Variants in SIM2 observed in about 807,000 individuals in gnomAD.
SIM2 encodes single-minded homolog 2.
SIM2 carries 28 observed loss-of-function variants against 64.8 expected under a neutral mutation model. That is an observed-to-expected ratio of 0.43 (90% CI 0.32 to 0.59). The LOEUF (loss-of-function observed/expected upper bound fraction) is 0.59, where lower values mean the gene tolerates loss of function less well. Among genes scored for constraint, SIM2 ranks in the 20% least tolerant of loss-of-function variants. SIM2 has a pLI of 0.07. For synonymous variants in SIM2, 408 were observed against 391.1 expected (o/e 1.04, Z -0.51); for missense variants, 847 against 871.4 (o/e 0.97, Z 0.35).
intron 7 of SIM2, among the ~76,000 whole-genome samples, chr21:36,735,248 G>T (rs550209610): frequency 6.6e-6 from 1 of 152,192 alleles, no homozygotes; most frequent in Non-Finnish European, 1.5e-5. Flanking sequence ...AGGCCTCAGT[G>T]GGGGAGAACA....
chr21:36,746,835 GTC>G (rs1186889148), intron 10 of SIM2, among the ~76,000 whole-genome samples: 1 of 152,218 alleles, frequency 6.6e-6, no homozygotes, highest in African/African-American at 2.4e-5. Context: ...GAATTTGTGT[GTC>G]GGAAGCTGGC....
In SIM2 at chr21:36,748,906, A is replaced by G. The variant is rs2089279862; in HGVS notation, c.*814A>G. 6.6e-6 allele frequency: 1 copy of G among 152,664 alleles called. No homozygotes were observed. Among genetic ancestry groups the G allele is most frequent in the African/African-American group, 2.4e-5 (1 of 41,448 alleles). 9.5% of individuals were successfully genotyped at this position (152,664 alleles called of 1,614,324 possible). ...GTCAAGCTTCATTATTACGTGGCAAAATCCCTCTGGCCCACACAGATCTGT... is the reference window on the plus strand; with the variant it reads ...GTCAAGCTTCATTATTACGTGGCAAGATCCCTCTGGCCCACACAGATCTGT... On this transcript the variant is annotated 3_prime_UTR_variant, in exon 11 of 11. Transcript: ENST00000290399.
At chr21:36,738,306 A>G (rs2089102975) in intron 7 of SIM2, among the ~76,000 whole-genome samples, 2 of 152,140 alleles carry the variant, frequency 1.3e-5, no homozygotes, top group Admixed American at 1.3e-4. Flanking sequence ...GGAGTTAGAG[A>G]CCAGCCTGGC....
intron 5 of SIM2, among the ~76,000 whole-genome samples, chr21:36,724,090 C>T (rs1416084479): frequency 1.3e-5 from 2 of 152,232 alleles, no homozygotes; most frequent in East Asian, 3.8e-4. Flanking sequence ...ACTTTTGTGC[C>T]TTTGTCCTCT....
intron 5 of SIM2, among the ~76,000 whole-genome samples, chr21:36,724,412 G>T (rs2088863443): frequency 6.6e-6 from 1 of 152,150 alleles, no homozygotes; most frequent in Non-Finnish European, 1.5e-5. Flanking sequence ...CTGTGTAGCT[G>T]GGGCCACAGG....
At chr21:36,717,534 G>A (rs558458777) in intron 3 of SIM2, among the ~76,000 whole-genome samples, 9 of 149,634 alleles carry the variant, frequency 6.0e-5, no homozygotes, top group South Asian at 4.2e-4. Context: ...TGCAAACTGC[G>A]CCTCCCGGGT....
chr21:36,747,885 G>A lies in SIM2; in HGVS notation c.1797G>A (p.Leu599=). ...CGCCGGCGCAGCTGCCCTTCGTGCT[G>A]CTCAACTACCACCGCGTGCTGGCCC... ...PGAPAQLPFV[L]LNYHRVLARR... Residue 599 remains leucine, a synonymous_variant, in exon 11 of 11, where the codon CTG becomes CTA. Coordinates refer to ENST00000290399, the MANE Select transcript of SIM2 (RefSeq NM_005069.6). The surrounding 1 kb of genome is among the most constrained non-coding windows in gnomAD (Gnocchi z 4.5). The A allele has an allele frequency of 9.3e-7, 1 of 1,073,346 alleles. No individual in the cohort carries two copies. The highest frequency in any genetic ancestry group is 1.7e-5 in the African/African-American group (1 of 58,114). 66.5% of individuals were successfully genotyped at this position (1,073,346 alleles called of 1,614,324 possible). A position where few individuals can be genotyped will look rare whatever the true frequency, so the allele number is the denominator to read the frequency against.
At chr21:36,732,426 G>A (rs1436720301) in intron 7 of SIM2, among the ~76,000 whole-genome samples, 3 of 152,222 alleles carry the variant, frequency 2.0e-5, no homozygotes, top group Non-Finnish European at 4.4e-5. Flanking sequence ...GTGGGAGGGG[G>A]ACGGCAGGCC....
intron 1 of SIM2, among the ~76,000 whole-genome samples, chr21:36,705,959 A>G (rs1419840136): frequency 3.3e-5 from 5 of 152,144 alleles, no homozygotes; most frequent in African/African-American, 9.6e-5. Context: ...ACCCAGAGGA[A>G]GGCGCGAAGC....
At chr21:36,730,843 C>A (rs139045403) in intron 6 of SIM2, among the ~76,000 whole-genome samples, 1 of 152,202 alleles carries the variant, frequency 6.6e-6, no homozygotes, top group East Asian at 1.9e-4. Context: ...AAGAACATTC[C>A]CATTCATGAA....
intron 5 of SIM2, among the ~76,000 whole-genome samples, chr21:36,725,200 A>G (rs2854045): frequency 0.097 from 14,794 of 151,958 alleles, 1,473 homozygotes; most frequent in African/African-American, 0.26. Flanking sequence ...TTTTTAAAAA[A>G]TTAGCCAGGC....
intron 7 of SIM2, among the ~76,000 whole-genome samples, chr21:36,736,822 CCCTT>C (rs1434801465): frequency 6.7e-6 from 1 of 149,640 alleles, no homozygotes; most frequent in Non-Finnish European, 1.5e-5. Context: ...CTCCCTCCCT[CCCTT>C]TCTTCTTTCT....
intron 7 of SIM2, among the ~76,000 whole-genome samples, chr21:36,735,344 C>T (rs911723263): frequency 3.3e-5 from 5 of 152,250 alleles, no homozygotes; most frequent in African/African-American, 1.2e-4. Context: ...GGGCCTTCAT[C>T]CAGGCTGTGT....
Position 36,727,965 on chromosome 21 carries a change from G to T in SIM2, c.743+1647G>T, listed in dbSNP as rs1041432317. Reference sequence around the variant, plus strand: ...CTCAGAAGCAGGGTGAGTGTGTCAGGGTCACCAGCATCTTCCCAGAAACTC... The same window carrying T: ...CTCAGAAGCAGGGTGAGTGTGTCAGTGTCACCAGCATCTTCCCAGAAACTC... On this transcript the variant is annotated intron_variant, in intron 6 of 10. Coordinates refer to ENST00000290399, the MANE Select transcript of SIM2 (RefSeq NM_005069.6). Among the ~76,000 whole-genome samples, 5 of 152,154 alleles carry T rather than the reference G, an allele frequency of 3.3e-5. No individual in the cohort carries two copies. The East Asian group carries it at 9.7e-4, about 30-fold the overall frequency.
chr21:36,725,345 T>TA (rs1026008014), intron 5 of SIM2, among the ~76,000 whole-genome samples: 22 of 151,462 alleles, frequency 1.5e-4, no homozygotes, highest in South Asian at 2.1e-4. Context: ...AGACCTTGTC[T>TA]AAAAAAAAAT....
In SIM2 at chr21:36,747,924, G is replaced by C. The variant is rs1016886633; in HGVS notation, c.1836G>C (p.Leu612=). 6.5e-5 allele frequency: 68 copies of C among 1,038,472 alleles called. No individual in the cohort carries two copies. Among genetic ancestry groups the C allele is most frequent in the Non-Finnish European group, 5.1e-5 (44 of 862,690 alleles). The allele number at this position is 1,038,472 out of a possible 1,614,324, so 64.3% of individuals were successfully genotyped here. Residue 612 remains leucine (L), a synonymous_variant, in exon 11 of 11, where the codon CTG becomes CTC. Coordinates refer to ENST00000290399, the MANE Select transcript of SIM2 (RefSeq NM_005069.6). This position sits in a 1 kb window ranked among gnomAD's most constrained non-coding sequence, Gnocchi z 4.5. The stretch of plus-strand genomic sequence containing the variant: ...GCGTGCTGGCCCGGCGCGGACCGCT[G>C]GGGGGCGCCGCACCCGCCGCCTCCG... The part of the protein sequence containing the change: ...YHRVLARRGP[L]GGAAPAASGL...
At chr21:36,728,731 G>C (rs1329759280) in intron 6 of SIM2, among the ~76,000 whole-genome samples, 2 of 152,204 alleles carry the variant, frequency 1.3e-5, no homozygotes, top group Admixed American at 6.5e-5. Flanking sequence ...GCCCAGCCCT[G>C]GGAGGACAGC....
At chr21:36,707,193 T>C (rs2088596342) in intron 1 of SIM2, among the ~76,000 whole-genome samples, 1 of 152,232 alleles carries the variant, frequency 6.6e-6, no homozygotes, top group South Asian at 2.1e-4. Context: ...GCTGCCAGGG[T>C]GCCTTTGTCG....
At chr21:36,743,719 C>T (rs1420532455) in intron 9 of SIM2, among the ~76,000 whole-genome samples, 164 bp downstream of exon 9, 1 of 152,052 alleles carries the variant, frequency 6.6e-6, no homozygotes, top group Non-Finnish European at 1.5e-5. Context: ...AGTGACAGCC[C>T]GGGGAAGGCC....
Sources: gnomAD v4.1 joint callset for allele counts (sites outside exome capture counted in the v4.1 genomes callset) on GRCh38, gnomAD v4.1.1 for gene constraint, Gnocchi (gnomAD v3.1) non-coding constraint, MANE v1.5 for transcripts, NCBI Gene and HGNC (gene_info 2026-07-23, HGNC 2026-07-21) for gene names.